VPS13A: variants seen among roughly 807,000 people sequenced by gnomAD.
The protein encoded by VPS13A is intermembrane lipid transfer protein VPS13A.
A neutral mutation model predicts 390.9 loss-of-function variants in VPS13A; 264 were observed. That is an observed-to-expected ratio of 0.68 (90% CI 0.61 to 0.75). VPS13A has a LOEUF of 0.75. VPS13A is among the 30% of genes least tolerant of loss of function. The pLI is 0.00. For missense variants in VPS13A, 3,409 were observed against 3,733.9 expected, an observed-to-expected ratio of 0.91 and a Z score of 2.27; for synonymous variants, 1,231 against 1,227.1, an observed-to-expected ratio of 1.00 and a Z score of -0.07.
chr9:77,409,231 G>A (rs546816996), intron 71 of VPS13A, among the ~76,000 whole-genome samples: 1 of 152,270 alleles, frequency 6.6e-6, no homozygotes, highest in East Asian at 1.9e-4. Flanking sequence ...TGCAGCTGAG[G>A]GTCCTGACTG....
chr9:77,255,611 G>A (rs1388133371), intron 22 of VPS13A, among the ~76,000 whole-genome samples: 1 of 152,048 alleles, frequency 6.6e-6, no homozygotes, highest in Non-Finnish European at 1.5e-5. Context: ...TGATTGTTTG[G>A]TAGAATTCAC....
Position 77,303,486 on chromosome 9 carries a change from GA to G in VPS13A, c.3960+428del, listed in dbSNP as rs557329914. On this transcript the variant is annotated intron_variant, in intron 34 of 71. Transcript: ENST00000360280. ...CTAGTCGGGTGGGATGAGAGACTGA[GA>G]AAAGAAATAAGACACAGAGACAAAG... is the stretch of plus-strand genomic sequence containing the variant. Among the ~76,000 whole-genome samples, 1,072 of 152,276 alleles carry G rather than the reference GA, an allele frequency of 7.0e-3. 8 individuals are homozygous for G. Among genetic ancestry groups the G allele is most frequent in the Non-Finnish European group, 0.013 (865 of 68,016 alleles).
chr9:77,415,858 T>C, intron 71 of VPS13A, 98 bp from the exon 72 acceptor site: 1 of 1,445,284 alleles, frequency 6.9e-7, no homozygotes, highest in Non-Finnish European at 9.7e-7. Context: ...TACACCTAAC[T>C]AAACTATAAA....
chr9:77,252,652 C>G (rs1452784103), intron 22 of VPS13A, among the ~76,000 whole-genome samples: 2 of 152,170 alleles, frequency 1.3e-5, no homozygotes, highest in East Asian at 3.8e-4. Flanking sequence ...CCATTTCACC[C>G]TGCACCCAGC....
chr9:77,279,767 C>T (rs1350979310), intron 26 of VPS13A: 1 of 193,590 alleles, frequency 5.2e-6, no homozygotes, highest in Non-Finnish European at 1.1e-5. Context: ...TTCTGAACAG[C>T]TGGGTTTTCA....
intron 67 of VPS13A, among the ~76,000 whole-genome samples, chr9:77,376,690 A>G (rs985327588): frequency 6.6e-6 from 1 of 152,168 alleles, no homozygotes; most frequent in East Asian, 1.9e-4. Flanking sequence ...AGACATCCAA[A>G]TGGAGACATC....
At chr9:77,331,781 G>T (rs1830288152) in intron 45 of VPS13A, among the ~76,000 whole-genome samples, 1 of 151,722 alleles carries the variant, frequency 6.6e-6, no homozygotes, top group Non-Finnish European at 1.5e-5. Context: ...TTATTCCCCT[G>T]TAGGATGCTT....
At chr9:77,317,191 A>G (rs867652514) in intron 39 of VPS13A, among the ~76,000 whole-genome samples, 3 of 152,034 alleles carry the variant, frequency 2.0e-5, no homozygotes, top group Non-Finnish European at 4.4e-5. Context: ...AATTTGCAAG[A>G]CAGTTGGCCC....
intron 14 of VPS13A, 27 bp from the exon 15 acceptor site, chr9:77,226,439 A>C (rs371180898): frequency 2.0e-5 from 32 of 1,581,836 alleles, no homozygotes; most frequent in Non-Finnish European, 2.8e-5. Context: ...ATAATGTGTC[A>C]TTTATTTGAA....
intron 33 of VPS13A, among the ~76,000 whole-genome samples, chr9:77,297,571 C>CT (rs1044303471): frequency 4.0e-5 from 6 of 150,728 alleles, no homozygotes; most frequent in South Asian, 4.2e-4. Context: ...TTTTGTCTGT[C>CT]TTTTTTTTGG....
In VPS13A at chr9:77,379,332, C is replaced by A. The variant is rs182031593; in HGVS notation, c.9078-2644C>A. Among the ~76,000 whole-genome samples, 60 of 152,092 alleles carry A rather than the reference C, an allele frequency of 3.9e-4. No individual in the cohort carries two copies. In the East Asian group the frequency reaches 0.01, roughly 26 times the overall value. On this transcript the variant is annotated intron_variant, in intron 67 of 71. Transcript: ENST00000360280. ...CTCAGCTCACCGCAACCTCCGCCTC[C>A]CAAGTTCAAGCTATTCTCCTGCCTC...
At chr9:77,252,760 G>C (rs1825216113) in intron 22 of VPS13A, among the ~76,000 whole-genome samples, 1 of 152,142 alleles carries the variant, frequency 6.6e-6, no homozygotes, top group East Asian at 1.9e-4. Context: ...TTGTGTGCCT[G>C]GGTTTCTTCA....
intron 23 of VPS13A, among the ~76,000 whole-genome samples, chr9:77,265,110 A>G (rs1014575421): frequency 1.3e-5 from 2 of 152,160 alleles, no homozygotes; most frequent in African/African-American, 4.8e-5. Context: ...ATTGATTTGC[A>G]TATGTTGAAC....
At chr9:77,281,739 GTATA>G (rs111517856) in intron 27 of VPS13A, 124 bp from the exon 28 acceptor site, 2,086 of 485,644 alleles carry the variant, frequency 4.3e-3, no homozygotes, top group South Asian at 8.2e-3. Flanking sequence ...GTGTATATGT[GTATA>G]TATATATATA....
intron 17 of VPS13A, among the ~76,000 whole-genome samples, chr9:77,236,938 C>A (rs1239624646): frequency 6.6e-6 from 1 of 152,140 alleles, no homozygotes; most frequent in Admixed American, 6.6e-5. Flanking sequence ...CACTCTGTCG[C>A]CAGGCTGGAG....
intron 52 of VPS13A, 104 bp from the exon 53 acceptor site, chr9:77,351,213 C>T: frequency 6.9e-7 from 1 of 1,450,442 alleles, no homozygotes; most frequent in South Asian, 1.2e-5. Flanking sequence ...AGAACGATCA[C>T]AGATCTCAGT....
At position 77,321,333 on chromosome 9, in the gene VPS13A, A is replaced by G; in HGVS notation, c.5574+6A>G. On this transcript the variant is annotated splice_donor_region_variant and intron_variant, in intron 43 of 71. Coordinates refer to ENST00000360280, the MANE Select transcript of VPS13A (RefSeq NM_033305.3). ...TGTTAAACAATTTAGTCAAGGTAAG[A>G]AAAGAAATTTGAAACTTTAAATATT... 1.2e-6 allele frequency: 2 copies of G among 1,602,032 alleles called. No individual in the cohort carries two copies. Among genetic ancestry groups the G allele is most frequent in the Non-Finnish European group, 1.7e-6 (2 of 1,171,782 alleles).
intron 58 of VPS13A, 53 bp downstream of exon 58, chr9:77,359,455 T>TATG: frequency 7.0e-7 from 1 of 1,419,378 alleles, no homozygotes; most frequent in East Asian, 2.5e-5. Flanking sequence ...GATTTAAATA[T>TATG]ATGAATTGTT....
intron 35 of VPS13A, 29 bp from the exon 36 acceptor site, chr9:77,313,963 T>C (rs1219968157): frequency 1.3e-6 from 2 of 1,595,146 alleles, no homozygotes; most frequent in East Asian, 2.3e-5. Flanking sequence ...TGATATTTTC[T>C]TTTATTAAAT....
Sources: gnomAD v4.1 joint callset for allele counts (sites outside exome capture counted in the v4.1 genomes callset) on GRCh38, gnomAD v4.1.1 for gene constraint, MANE v1.5 for transcripts, NCBI Gene and HGNC (gene_info 2026-07-23, HGNC 2026-07-21) for gene names.